The following KLHL8 variants were observed in gnomAD, a reference collection of about 807,000 sequenced individuals.
KLHL8 encodes kelch like family member 8.
KLHL8 carries 38 observed loss-of-function variants against 63.5 expected under a neutral mutation model. The ratio of observed to expected loss-of-function variants is 0.60; its 90% CI spans 0.46 to 0.78. The LOEUF (loss-of-function observed/expected upper bound fraction) is 0.78. Among genes scored for constraint, KLHL8 ranks in the 30% least tolerant of loss-of-function variants. KLHL8 has a pLI of 0.00. For synonymous variants in KLHL8, 224 were observed against 254.3 expected (o/e 0.88, Z 1.13); for missense variants, 566 against 752.4 (o/e 0.75, Z 2.90).
At chr4:87,211,402 G>A (rs536871917) in intron 1 of KLHL8, among the ~76,000 whole-genome samples, 15 of 152,192 alleles carry the variant, frequency 9.9e-5, no homozygotes, top group Non-Finnish European at 2.1e-4. Context: ...ATCATTAAAC[G>A]AGAATCTGCT....
intron 1 of KLHL8, among the ~76,000 whole-genome samples, chr4:87,233,925 T>C (rs1339475230): frequency 6.6e-6 from 1 of 152,232 alleles, no homozygotes; most frequent in Non-Finnish European, 1.5e-5. Context: ...CGACAATGCA[T>C]TCTTTGTCAT....
At chr4:87,237,539 C>T (rs906672068) in intron 1 of KLHL8, among the ~76,000 whole-genome samples, 1 of 152,096 alleles carries the variant, frequency 6.6e-6, no homozygotes, top group African/African-American at 2.4e-5. Context: ...ATTAAATAAA[C>T]AAATCATAGC....
intron 1 of KLHL8, 31 bp downstream of exon 1, chr4:87,220,387 G>C (rs1262551248): frequency 6.6e-6 from 1 of 152,418 alleles, no homozygotes; most frequent in East Asian, 1.9e-4. Flanking sequence ...GGGGAGACGA[G>C]GGGACTGAGG....
Position 87,171,733 on chromosome 4 carries a change from CG to C in KLHL8, c.1209-1119del, listed in dbSNP as rs1287172234. On this transcript the variant is annotated intron_variant, in intron 6 of 9. Transcript: ENST00000273963. ...CTCTCTTGGTTTTCATAACATCATA[CG>C]TTTTAGTCCACTCCTACGTCTCTGG... Among the ~76,000 whole-genome samples, 3 of 152,294 alleles carry C rather than the reference CG, an allele frequency of 2.0e-5. No individual in the cohort carries two copies. In the East Asian group the frequency reaches 5.8e-4, roughly 29 times the overall value.
At chr4:87,178,448 TATG>T in intron 5 of KLHL8, 26 bp downstream of exon 5, 3 of 1,574,546 alleles carry the variant, frequency 1.9e-6, no homozygotes, top group South Asian at 2.4e-5. Context: ...ATTGTGATCA[TATG>T]ATATTTCAGA....
chr4:87,222,859 C>G (rs943810619), upstream of KLHL8, among the ~76,000 whole-genome samples: 2 of 152,218 alleles, frequency 1.3e-5, no homozygotes, highest in Non-Finnish European at 2.9e-5. Flanking sequence ...GCTGGGATTA[C>G]AGGCATGAGC....
intron 8 of KLHL8, chr4:87,167,717 G>A (rs1438161355): frequency 5.4e-6 from 2 of 370,602 alleles, no homozygotes; most frequent in Non-Finnish European, 1.1e-5. Context: ...GAAGCCCACT[G>A]ACTGGAAGGA....
intron 6 of KLHL8, among the ~76,000 whole-genome samples, chr4:87,171,176 T>TA (rs1560691944): frequency 2.0e-5 from 3 of 151,830 alleles, no homozygotes; most frequent in Admixed American, 6.6e-5. Flanking sequence ...TTAACAGTGA[T>TA]CAAAAAAAAA....
intron 2 of KLHL8, among the ~76,000 whole-genome samples, chr4:87,192,946 T>G (rs1456567248): frequency 6.6e-6 from 1 of 152,174 alleles, no homozygotes; most frequent in Non-Finnish European, 1.5e-5. Context: ...TTGCTATGAA[T>G]GGAGCTGCAG....
At chr4:87,236,488 T>C (rs978975839) in intron 1 of KLHL8, among the ~76,000 whole-genome samples, 1 of 151,584 alleles carries the variant, frequency 6.6e-6, no homozygotes, top group Non-Finnish European at 1.5e-5. Flanking sequence ...ATTGCAGGCG[T>C]GAGCCACTGT....
rs1390504929 is a variant in KLHL8 at position 87,183,202 on chromosome 4, C to G, written c.952+1G>C. ...GAGAATTGACAAAATAATTTGGTTA[C>G]CAGCAGTATGCTTCCTTGGGGTAGT... On this transcript the variant is annotated splice_donor_variant, in intron 4 of 9. Transcript: ENST00000273963. LOFTEE classifies it high-confidence loss of function. 1 of 1,581,538 alleles carries G rather than the reference C, an allele frequency of 6.3e-7. No individual in the cohort carries two copies. Among genetic ancestry groups the G allele is most frequent in the Non-Finnish European group, 8.6e-7 (1 of 1,159,964 alleles).
intron 6 of KLHL8, among the ~76,000 whole-genome samples, chr4:87,171,196 C>T (rs1730620545): frequency 6.6e-6 from 1 of 152,034 alleles, no homozygotes; most frequent in African/African-American, 2.4e-5. Flanking sequence ...AACTCAATTT[C>T]TTAAAAAACA....
chr4:87,215,652 C>G (rs1732566442), intron 1 of KLHL8, among the ~76,000 whole-genome samples: 1 of 152,100 alleles, frequency 6.6e-6, no homozygotes, highest in Non-Finnish European at 1.5e-5. Context: ...AGCCTTATAG[C>G]CCAGCAATCA....
chr4:87,226,830 TATAA>T (rs1419038232), intron 1 of KLHL8, among the ~76,000 whole-genome samples: 1 of 10,782 alleles, frequency 9.3e-5, no homozygotes, highest in Non-Finnish European at 1.4e-4. Flanking sequence ...ATATATTATT[TATAA>T]ATAATATATA....
intron 2 of KLHL8, among the ~76,000 whole-genome samples, chr4:87,187,771 CTTCTTT>C (rs1723609338): frequency 6.6e-6 from 1 of 152,010 alleles, no homozygotes; most frequent in South Asian, 2.1e-4. Flanking sequence ...GGGAAGATAT[CTTCTTT>C]TTAATACAGT....
intron 1 of KLHL8, among the ~76,000 whole-genome samples, chr4:87,202,088 C>T (rs951584976): frequency 6.6e-6 from 1 of 150,814 alleles, no homozygotes; most frequent in Non-Finnish European, 1.5e-5. Flanking sequence ...CCAGCCTGGG[C>T]GACTGAGACT....
At position 87,180,382 on chromosome 4, in the gene KLHL8, CATTT is replaced by C. The variant is rs530615192; in HGVS notation, c.953-1766_953-1763del. Among the ~76,000 whole-genome samples the C allele has an allele frequency of 4.6e-5, 7 of 152,312 alleles. No homozygotes were observed. The South Asian group carries it at 1.5e-3, about 32-fold the overall frequency. The stretch of plus-strand genomic sequence containing the variant: ...TTACCCTAACTAGCATTCAGAAGAA[CATTT>C]ATTTATTATTCACAACCAAGGCTAA... On this transcript the variant is annotated intron_variant, in intron 4 of 9. Coordinates refer to ENST00000273963, the MANE Select transcript of KLHL8 (RefSeq NM_020803.5).
intron 1 of KLHL8, among the ~76,000 whole-genome samples, chr4:87,239,066 G>A (rs1463158680): frequency 6.6e-6 from 1 of 152,024 alleles, no homozygotes; most frequent in Admixed American, 6.5e-5. Context: ...GGATTCTTTT[G>A]TCTTCAATAC....
At chr4:87,180,631 C>A (rs530822525) in intron 4 of KLHL8, among the ~76,000 whole-genome samples, 34 of 152,288 alleles carry the variant, frequency 2.2e-4, no homozygotes, top group African/African-American at 7.5e-4. Context: ...TAACCCAGAG[C>A]CTTTCACATG....
Sources: gnomAD v4.1 joint callset for allele counts (sites outside exome capture counted in the v4.1 genomes callset) on GRCh38, gnomAD v4.1.1 for gene constraint, MANE v1.5 for transcripts, NCBI Gene and HGNC (gene_info 2026-07-23, HGNC 2026-07-21) for gene names.